The following NKAIN2 variants were observed in gnomAD, a reference collection of about 807,000 sequenced individuals.
NKAIN2 encodes sodium/potassium-transporting ATPase subunit beta-1-interacting protein 2.
In NKAIN2, 14 loss-of-function variants were observed where a neutral mutation model predicts 32.6. The ratio of observed to expected loss-of-function variants is 0.43; its 90% CI spans 0.28 to 0.67. NKAIN2 has a LOEUF of 0.67. Ranked by LOEUF, NKAIN2 falls within the 30% of genes least tolerant of loss-of-function variation. The pLI, the probability that NKAIN2 is intolerant of heterozygous loss-of-function variation, is 0.17. For synonymous variants in NKAIN2, 80 were observed against 87.2 expected, an observed-to-expected ratio of 0.92 and a Z score of 0.46; for missense variants, 198 against 258.3, an observed-to-expected ratio of 0.77 and a Z score of 1.60.
intron 3 of NKAIN2, among the ~76,000 whole-genome samples, chr6:124,416,975 GCAGTGTCAGA>G (rs1208704949): frequency 6.6e-6 from 1 of 152,174 alleles, no homozygotes; most frequent in African/African-American, 2.4e-5. Flanking sequence ...CCCCAGTGGA[GCAGTGTCAGA>G]GAAGGCCTGC....
chr6:124,380,666 CA>C (rs1772595849), intron 3 of NKAIN2, among the ~76,000 whole-genome samples: 1 of 152,080 alleles, frequency 6.6e-6, no homozygotes, highest in Non-Finnish European at 1.5e-5. Context: ...TCTGTGAAGT[CA>C]GAAGTATTTG....
chr6:124,328,307 G>T (rs891703634), intron 2 of NKAIN2, among the ~76,000 whole-genome samples: 6 of 152,134 alleles, frequency 3.9e-5, no homozygotes, highest in Non-Finnish European at 8.8e-5. Flanking sequence ...TACAAATAGA[G>T]TATTTTCTAT....
chr6:124,266,655 CAG>C (rs1794506842), intron 1 of NKAIN2, among the ~76,000 whole-genome samples: 1 of 152,180 alleles, frequency 6.6e-6, no homozygotes, highest in Non-Finnish European at 1.5e-5. Context: ...TGATTTGAAA[CAG>C]AGGTAGAGAC....
At chr6:124,075,855 C>G (rs774449967) in intron 1 of NKAIN2, among the ~76,000 whole-genome samples, 1 of 152,206 alleles carries the variant, frequency 6.6e-6, no homozygotes, top group East Asian at 1.9e-4. Flanking sequence ...CTCAGCCTCT[C>G]AAACTGCTGT....
chr6:123,858,584 C>A (rs753829641), intron 1 of NKAIN2, among the ~76,000 whole-genome samples: 1 of 152,198 alleles, frequency 6.6e-6, no homozygotes, highest in Non-Finnish European at 1.5e-5. Flanking sequence ...GCAGAAAGTA[C>A]TGCCTTTAGA....
At chr6:124,555,970 C>A (rs139129394) in intron 3 of NKAIN2, among the ~76,000 whole-genome samples, 1 of 152,054 alleles carries the variant, frequency 6.6e-6, no homozygotes, top group Non-Finnish European at 1.5e-5. Context: ...CTTAGTTTAA[C>A]CTTTACTGAG....
chr6:123,839,752 A>G (rs1774790155), intron 1 of NKAIN2, among the ~76,000 whole-genome samples: 1 of 152,072 alleles, frequency 6.6e-6, no homozygotes, highest in Non-Finnish European at 1.5e-5. Context: ...TTTTTGATTC[A>G]TGGGTATTTA....
chr6:124,480,018 AT>A (rs1777380785), intron 3 of NKAIN2, among the ~76,000 whole-genome samples: 1 of 152,222 alleles, frequency 6.6e-6, no homozygotes, highest in South Asian at 2.1e-4. Flanking sequence ...TGCATTCTGC[AT>A]CAAACAGATT....
At chr6:124,260,373 G>C (rs545632721) in intron 1 of NKAIN2, among the ~76,000 whole-genome samples, 3 of 152,160 alleles carry the variant, frequency 2.0e-5, no homozygotes, top group Middle Eastern at 3.2e-3. Context: ...TGGAATGTGT[G>C]GTCAAGGTGA....
chr6:124,132,857 A>G (rs1248423281), intron 1 of NKAIN2, among the ~76,000 whole-genome samples: 1 of 152,196 alleles, frequency 6.6e-6, no homozygotes, highest in Non-Finnish European at 1.5e-5. Context: ...AAGAGCAATA[A>G]TAATCACTAC....
At chr6:123,981,967 C>G (rs559415531) in intron 1 of NKAIN2, among the ~76,000 whole-genome samples, 20 of 152,112 alleles carry the variant, frequency 1.3e-4, no homozygotes, top group Non-Finnish European at 2.9e-4. Context: ...GTGAGGAGCA[C>G]TGCAATTTTG....
At chr6:124,084,540 C>T (rs1254615952) in intron 1 of NKAIN2, among the ~76,000 whole-genome samples, 1 of 151,904 alleles carries the variant, frequency 6.6e-6, no homozygotes, top group African/African-American at 2.4e-5. Context: ...TGTTGTTTAT[C>T]AACACAGGAA....
At chr6:124,042,079 A>G (rs1347908801) in intron 1 of NKAIN2, among the ~76,000 whole-genome samples, 2 of 152,116 alleles carry the variant, frequency 1.3e-5, no homozygotes, top group Non-Finnish European at 2.9e-5. Context: ...CCACAATGAC[A>G]TTGAAGAGAA....
Position 124,770,770 on chromosome 6 carries a change from G to A in NKAIN2, c.475-20569G>A, listed in dbSNP as rs183683989. 1.4e-4 allele frequency among the ~76,000 whole-genome samples: 21 copies of A among 152,160 alleles called. No homozygotes were observed. In the East Asian group the frequency reaches 3.7e-3, roughly 27 times the overall value. On this transcript the variant is annotated intron_variant, in intron 4 of 6. Transcript: ENST00000368417. ...AAAAGACTATTAAGCCTCCAGAGGA[G>A]TGACAGGTACTTTTGCACTAGCCCA...
intron 3 of NKAIN2, among the ~76,000 whole-genome samples, chr6:124,382,048 A>G (rs1772666910): frequency 6.6e-6 from 1 of 152,108 alleles, no homozygotes; most frequent in African/African-American, 2.4e-5. Flanking sequence ...CTGGGAGTTT[A>G]GATGGTTTTT....
At chr6:124,743,540 T>C (rs1777319433) in intron 4 of NKAIN2, among the ~76,000 whole-genome samples, 1 of 151,842 alleles carries the variant, frequency 6.6e-6, no homozygotes, top group Non-Finnish European at 1.5e-5. Context: ...TGATTTCCTC[T>C]GGCAAACTTG....
At chr6:124,480,097 T>C (rs1204900284) in intron 3 of NKAIN2, among the ~76,000 whole-genome samples, 1 of 152,188 alleles carries the variant, frequency 6.6e-6, no homozygotes, top group African/African-American at 2.4e-5. Flanking sequence ...CCTTCTGAGG[T>C]CATTTGCTTT....
chr6:124,072,933 C>CT (rs921780990), intron 1 of NKAIN2, among the ~76,000 whole-genome samples: 2 of 152,126 alleles, frequency 1.3e-5, no homozygotes, highest in African/African-American at 4.8e-5. Flanking sequence ...CCTTAAATGA[C>CT]TGAGACTATG....
chr6:123,952,410 T>C (rs957182199), intron 1 of NKAIN2, among the ~76,000 whole-genome samples: 2 of 152,166 alleles, frequency 1.3e-5, no homozygotes, highest in Admixed American at 6.6e-5. Flanking sequence ...ATCTCTGAGA[T>C]TCTTATATGT....
Sources: gnomAD v4.1 joint callset for allele counts (sites outside exome capture counted in the v4.1 genomes callset) on GRCh38, gnomAD v4.1.1 for gene constraint, MANE v1.5 for transcripts, NCBI Gene and HGNC (gene_info 2026-07-23, HGNC 2026-07-21) for gene names.